The following GRHL2 variants were observed in gnomAD, a reference collection of about 807,000 sequenced individuals.
GRHL2 encodes grainyhead like transcription factor 2, also known as grainyhead-like protein 2 homolog.
GRHL2 carries 21 observed loss-of-function variants against 83.8 expected under a neutral mutation model. That is an observed-to-expected ratio of 0.25 (90% CI 0.18 to 0.36). The LOEUF (loss-of-function observed/expected upper bound fraction) is 0.36. GRHL2 is among the 10% of genes least tolerant of loss of function. GRHL2 has a pLI of 1.00. For missense variants in GRHL2, 623 were observed against 781.8 expected (o/e 0.80, Z 2.42); for synonymous variants, 280 against 278.9 (o/e 1.00, Z -0.04).
At chr8:101,645,305 G>A (rs1313323057) in intron 13 of GRHL2, among the ~76,000 whole-genome samples, 1 of 151,814 alleles carries the variant, frequency 6.6e-6, no homozygotes, top group African/African-American at 2.4e-5. Flanking sequence ...GCTAATTTTT[G>A]TATTTTTAGT....
In GRHL2 at chr8:101,602,127, C is replaced by A. The variant is rs143194228; in HGVS notation, c.1098+2976C>A. On this transcript the variant is annotated intron_variant, in intron 8 of 15. Coordinates refer to ENST00000646743, the MANE Select transcript of GRHL2 (RefSeq NM_024915.4). ...TACTGAAGAGCTTTTAAAGAGAAAT[C>A]ATAAAAGTTAAATCTACTTCATTAG... is the stretch of plus-strand genomic sequence containing the variant. Among the ~76,000 whole-genome samples the A allele has an allele frequency of 4.1e-3, 629 of 152,290 alleles. 6 individuals are homozygous for A. Among genetic ancestry groups the A allele is most frequent in the African/African-American group, 0.014 (564 of 41,556 alleles).
intron 11 of GRHL2, among the ~76,000 whole-genome samples, chr8:101,634,444 C>A (rs1813246998): frequency 6.6e-6 from 1 of 152,076 alleles, no homozygotes; most frequent in Admixed American, 6.5e-5. Flanking sequence ...AGTGCCATGG[C>A]CTTAGATTTG....
intron 1 of GRHL2, chr8:101,542,641 T>A (rs1811178658): frequency 5.1e-6 from 2 of 391,960 alleles, no homozygotes; most frequent in Non-Finnish European, 1.0e-5. Context: ...GAGGACCAAT[T>A]GTTTTAGTCA....
At chr8:101,617,183 T>C (rs976282490) in intron 8 of GRHL2, among the ~76,000 whole-genome samples, 1 of 152,130 alleles carries the variant, frequency 6.6e-6, no homozygotes, top group Non-Finnish European at 1.5e-5. Context: ...GTTTGCTAGA[T>C]GTGTTGGCAT....
intron 3 of GRHL2, among the ~76,000 whole-genome samples, chr8:101,555,891 G>C (rs1432283742): frequency 6.6e-6 from 1 of 152,166 alleles, no homozygotes; most frequent in African/African-American, 2.4e-5. Flanking sequence ...TTGGTACTTA[G>C]GCAAGCTCAA....
At chr8:101,492,830 C>G (rs367910132) in intron 1 of GRHL2, 41 bp downstream of exon 1, 2 of 1,599,392 alleles carry the variant, frequency 1.3e-6, no homozygotes, top group Non-Finnish European at 1.7e-6. Context: ...ACTACTACCA[C>G]TTTGGGCTGA....
At chr8:101,647,316 G>GATC (rs1265444062) in intron 13 of GRHL2, among the ~76,000 whole-genome samples, 1 of 152,200 alleles carries the variant, frequency 6.6e-6, no homozygotes, top group Non-Finnish European at 1.5e-5. Flanking sequence ...AGTGAGCTGA[G>GATC]ATCACGCCAC....
rs575120487 is a variant in GRHL2 at position 101,594,561 on chromosome 8, C to A, written c.1004-4496C>A. Among the ~76,000 whole-genome samples the A allele has an allele frequency of 1.5e-4, 23 of 152,332 alleles. No homozygotes were observed. The South Asian group carries it at 4.1e-3, about 27-fold the overall frequency. On this transcript the variant is annotated intron_variant, in intron 7 of 15. Coordinates refer to ENST00000646743, the MANE Select transcript of GRHL2 (RefSeq NM_024915.4). ...CGGACAACTATGCATGTGGAAGAAGCCACATTGGTGTGCATCAGCTGTTTA... is the reference window on the plus strand; with the variant it reads ...CGGACAACTATGCATGTGGAAGAAGACACATTGGTGTGCATCAGCTGTTTA...
At chr8:101,571,148 T>G (rs1017428364) in intron 5 of GRHL2, among the ~76,000 whole-genome samples, 2 of 147,728 alleles carry the variant, frequency 1.4e-5, no homozygotes, top group African/African-American at 4.9e-5. Flanking sequence ...GCTACAGAGA[T>G]ATATAAAGAG....
intron 8 of GRHL2, among the ~76,000 whole-genome samples, chr8:101,610,890 C>A (rs7838983): frequency 2.0e-5 from 3 of 150,388 alleles, no homozygotes; most frequent in South Asian, 2.1e-4. Context: ...CCAACATAAC[C>A]GAGAAGATGG....
chr8:101,637,007 C>A (rs1242826857), intron 12 of GRHL2, 79 bp downstream of exon 12: 14 of 1,294,656 alleles, frequency 1.1e-5, no homozygotes, highest in Non-Finnish European at 1.5e-5. Context: ...CACTTGGTAA[C>A]CCTAGGCAGG....
chr8:101,505,577 C>CAAA (rs11395323), intron 1 of GRHL2, among the ~76,000 whole-genome samples: 7,821 of 100,752 alleles, frequency 0.078, 488 homozygotes, highest in East Asian at 0.17. Context: ...AACTCTGTCT[C>CAAA]AAAAAAAAAA....
intron 4 of GRHL2, among the ~76,000 whole-genome samples, chr8:101,563,166 G>T (rs1021762497): frequency 1.3e-5 from 2 of 152,110 alleles, no homozygotes; most frequent in Non-Finnish European, 1.5e-5. Flanking sequence ...TATGCTCATG[G>T]TTATTTAGCA....
At chr8:101,671,430 G>T (rs1814206657), downstream of GRHL2, among the ~76,000 whole-genome samples, 1 of 152,208 alleles carries the variant, frequency 6.6e-6, no homozygotes, top group Non-Finnish European at 1.5e-5. Flanking sequence ...AGCAGTCTGA[G>T]ATCAAACTGC....
At chr8:101,620,083 C>T (rs746989967) in intron 9 of GRHL2, among the ~76,000 whole-genome samples, 17 of 152,182 alleles carry the variant, frequency 1.1e-4, no homozygotes, top group Non-Finnish European at 2.1e-4. Flanking sequence ...GGCTCGCTTT[C>T]TGGCTTGCAG....
chr8:101,619,748 A>C lies in GRHL2; in HGVS notation c.1257+51A>C, dbSNP rs1299358228. 6 of 1,365,618 alleles carry C rather than the reference A, an allele frequency of 4.4e-6. No individual in the cohort carries two copies. In the Admixed American group the frequency reaches 1.0e-4, roughly 23 times the overall value. 84.6% of individuals were successfully genotyped at this position (1,365,618 alleles called of 1,614,324 possible). On this transcript the variant is annotated intron_variant, in intron 9 of 15. Coordinates refer to ENST00000646743, the MANE Select transcript of GRHL2 (RefSeq NM_024915.4). The stretch of plus-strand genomic sequence containing the variant: ...AAAGGTATCTTTTTTATTAGATATT[A>C]CTTTTAATGGCATTTCTTCCTTGTC...
chr8:101,610,395 T>C (rs1586142055), intron 8 of GRHL2, among the ~76,000 whole-genome samples: 1 of 150,642 alleles, frequency 6.6e-6, no homozygotes, highest in African/African-American at 2.5e-5. Context: ...GAAGGAGGGC[T>C]TGAACTGGGG....
chr8:101,626,363 T>G (rs1298994304), intron 9 of GRHL2, among the ~76,000 whole-genome samples: 1 of 152,100 alleles, frequency 6.6e-6, no homozygotes, highest in African/African-American at 2.4e-5. Context: ...ATACTTCTAT[T>G]GAAATGCATG....
chr8:101,506,460 C>T (rs1366051195), intron 1 of GRHL2, among the ~76,000 whole-genome samples: 2 of 152,196 alleles, frequency 1.3e-5, no homozygotes, highest in African/African-American at 4.8e-5. Flanking sequence ...CTCTTTTTTA[C>T]ATCATTCATG....
Sources: gnomAD v4.1 joint callset for allele counts (sites outside exome capture counted in the v4.1 genomes callset) on GRCh38, gnomAD v4.1.1 for gene constraint, MANE v1.5 for transcripts, NCBI Gene and HGNC (gene_info 2026-07-23, HGNC 2026-07-21) for gene names.